The following HMMR variants were observed in gnomAD, a reference collection of about 807,000 sequenced individuals.
HMMR encodes hyaluronan mediated motility receptor, also known as intracellular hyaluronic acid-binding protein.
A neutral mutation model predicts 101.0 loss-of-function variants in HMMR; 108 were observed. The observed-to-expected ratio is 1.07, with a 90% confidence interval of 0.92 to 1.25. The LOEUF is 1.25. Among genes scored for constraint, HMMR ranks in the 50% most tolerant of loss-of-function variants. The pLI is 0.00. For missense variants in HMMR, 813 were observed against 788.7 expected, an observed-to-expected ratio of 1.03 and a Z score of -0.37; for synonymous variants, 296 against 276.4, an observed-to-expected ratio of 1.07 and a Z score of -0.70.
chr5:163,476,894 C>T (rs1292990046), intron 11 of HMMR, among the ~76,000 whole-genome samples: 3 of 151,904 alleles, frequency 2.0e-5, no homozygotes, highest in Non-Finnish European at 4.4e-5. Flanking sequence ...AGCCTGGCAT[C>T]GTGGCGCACG....
In HMMR at chr5:163,484,129, C is replaced by T; in HGVS notation, c.1846C>T (p.Gln616Ter). 1 of 1,604,272 alleles carries T rather than the reference C, an allele frequency of 6.2e-7. No homozygotes were observed. Among genetic ancestry groups the T allele is most frequent in the Non-Finnish European group, 8.5e-7 (1 of 1,173,522 alleles). Residue 616 changes from glutamine (Q) to a stop codon, truncating the protein, a stop_gained, in exon 16 of 18, where the codon CAG becomes TAG. Transcript: ENST00000393915. LOFTEE classifies it high-confidence loss of function. ...QALLNEHGAAQEQLNKIRDSY... is the reference protein window; with the variant it reads ...QALLNEHGAA ...ATTGTTGAATGAACATGGTGCAGCT[C>T]AGGAACAGCTAAATAAAATAAGAGA...
intron 3 of HMMR, chr5:163,465,069 T>C: frequency 2.9e-6 from 1 of 345,670 alleles, no homozygotes; most frequent in East Asian, 5.0e-5. Flanking sequence ...CTAGTAAACA[T>C]TTCAAAATTA....
At position 163,483,140 on chromosome 5, in the gene HMMR, CTT is replaced by C; in HGVS notation, c.1655_1656del (p.Phe552Ter). ...QNQLKQQEED[F>X]RKQLEDEEGR... Reference sequence around the variant, plus strand: ...ACCAACTCAAGCAACAGGAGGAAGACTTTAGAAAACAGCTGGAAGATGAAGAA... The same window carrying C: ...ACCAACTCAAGCAACAGGAGGAAGACTAGAAAACAGCTGGAAGATGAAGAA... On this transcript the variant is annotated frameshift_variant, in exon 14 of 18. Coordinates refer to ENST00000393915, the MANE Select transcript of HMMR (RefSeq NM_001142556.2). LOFTEE classifies it high-confidence loss of function. 1 of 1,611,782 alleles carries C rather than the reference CTT, an allele frequency of 6.2e-7. No homozygotes were observed. Among genetic ancestry groups the C allele is most frequent in the Non-Finnish European group, 8.5e-7 (1 of 1,179,384 alleles).
chr5:163,481,002 A>G (rs896243754), intron 12 of HMMR, among the ~76,000 whole-genome samples: 5 of 152,000 alleles, frequency 3.3e-5, no homozygotes, highest in African/African-American at 1.2e-4. Context: ...TTCTATCTCA[A>G]GGTGTAAAGA....
In HMMR at chr5:163,491,126, T is replaced by C; in HGVS notation, c.2140T>C (p.Tyr714His). ...AATTCTTCTAGGCAATACAAACTGT[T>C]ACCGAGCTCCTATGGAGTGTCAAGA... ...TPLKEGNTNCYRAPMECQESW... is the reference protein window; with the variant it reads ...TPLKEGNTNCHRAPMECQESW... The change falls in exon 18 of 18, where the codon TAC (tyrosine) becomes CAC (histidine). Residue 714 changes from tyrosine to histidine, a missense_variant. Transcript: ENST00000393915. 6.4e-7 allele frequency: 1 copy of C among 1,568,884 alleles called. No homozygotes were observed. The highest frequency in any genetic ancestry group is 1.2e-5 in the South Asian group (1 of 85,182).
chr5:163,473,773 A>G (rs891484205), intron 9 of HMMR, among the ~76,000 whole-genome samples: 3 of 152,056 alleles, frequency 2.0e-5, no homozygotes, highest in Non-Finnish European at 4.4e-5. Context: ...TCAATACAGC[A>G]TATTACCTGT....
Position 163,490,439 on chromosome 5 carries a change from C to CA in HMMR, c.2016dup (p.Leu673ThrfsTer7). ...CTTGCTAAAAAAAAACAAAGTGAGA[C>CA]AAAACTTCAAGAGGAATTGAATAAA... On this transcript the variant is annotated frameshift_variant, in exon 17 of 18. Coordinates refer to ENST00000393915, the MANE Select transcript of HMMR (RefSeq NM_001142556.2). LOFTEE classifies it high-confidence loss of function. 3 of 1,596,766 alleles carry CA rather than the reference C, an allele frequency of 1.9e-6. No individual in the cohort carries two copies. Among genetic ancestry groups the CA allele is most frequent in the Non-Finnish European group, 2.6e-6 (3 of 1,172,960 alleles).
At position 163,478,769 on chromosome 5, in the gene HMMR, A is replaced by G. The variant is rs910039791; in HGVS notation, c.1354A>G (p.Ser452Gly). The G allele has an allele frequency of 6.2e-7, 1 of 1,609,404 alleles. No homozygotes were observed. The highest frequency in any genetic ancestry group is 8.5e-7 in the Non-Finnish European group (1 of 1,175,864). ...GGAAAAGTATGACAGTATGGTGCAA[A>G]GCCTTGAAGATGTTACTGCTCAATT... is the stretch of plus-strand genomic sequence containing the variant. ...LQEKYDSMVQ[S>G]LEDVTAQFES... Residue 452 changes from serine (S) to glycine (G), a missense_variant, in exon 12 of 18, where the codon AGC becomes GGC. Coordinates refer to ENST00000393915, the MANE Select transcript of HMMR (RefSeq NM_001142556.2).
chr5:163,462,609 C>T (rs941968099), intron 1 of HMMR, among the ~76,000 whole-genome samples: 3 of 151,898 alleles, frequency 2.0e-5, no homozygotes, highest in Non-Finnish European at 2.9e-5. Flanking sequence ...GAGAGATCAG[C>T]TGAGGTCAGG....
chr5:163,464,699 T>A, intron 2 of HMMR, 24 bp from the exon 3 acceptor site: 2 of 1,471,836 alleles, frequency 1.4e-6, no homozygotes, highest in Non-Finnish European at 1.9e-6. Context: ...TCAACCATGA[T>A]CTGTACAATT....
At chr5:163,489,031 C>T (rs1246913691) in intron 16 of HMMR, among the ~76,000 whole-genome samples, 2 of 152,218 alleles carry the variant, frequency 1.3e-5, no homozygotes, top group Non-Finnish European at 2.9e-5. Context: ...CAGACCGGAT[C>T]ACCCAGCTTG....
Position 163,463,964 on chromosome 5 carries a change from A to T in HMMR, c.145+10A>T. 2 of 929,634 alleles carry T rather than the reference A, an allele frequency of 2.2e-6. No homozygotes were observed. Among genetic ancestry groups the T allele is most frequent in the Non-Finnish European group, 3.2e-6 (2 of 628,992 alleles). 57.6% of individuals were successfully genotyped at this position (929,634 alleles called of 1,614,324 possible). On this transcript the variant is annotated intron_variant, in intron 2 of 17. Transcript: ENST00000393915. The stretch of plus-strand genomic sequence containing the variant: ...TTTAAACAACAAAAAGGTAATATAG[A>T]TCACCAAAGAACAATGGTTATGTGA...
Position 163,473,385 on chromosome 5 carries a change from T to C in HMMR, c.732T>C (p.Ala244=). ...LLEYIEEISC[A]SDQVEKYKLD... ...ATAATTTGTTTTAATGCAGTTGTGC[T>C]TCAGATCAAGTGGAAAAATACAAGC... The change falls in exon 9 of 18, where the codon GCT becomes GCC. Residue 244 remains alanine, a synonymous_variant. Coordinates refer to ENST00000393915, the MANE Select transcript of HMMR (RefSeq NM_001142556.2). 1.2e-6 allele frequency: 2 copies of C among 1,608,956 alleles called. No homozygotes were observed. Among genetic ancestry groups the C allele is most frequent in the Non-Finnish European group, 1.7e-6 (2 of 1,177,378 alleles).
intron 16 of HMMR, among the ~76,000 whole-genome samples, chr5:163,484,874 C>G (rs1312927432): frequency 6.6e-6 from 1 of 152,068 alleles, no homozygotes; most frequent in African/African-American, 2.4e-5. Context: ...TAATATGTGG[C>G]CTTTTGTTAC....
In HMMR at chr5:163,473,440, A is replaced by G. The variant is rs1758962183; in HGVS notation, c.787A>G (p.Lys263Glu). 1 of 1,610,748 alleles carries G rather than the reference A, an allele frequency of 6.2e-7. No individual in the cohort carries two copies. The highest frequency in any genetic ancestry group is 1.3e-5 in the African/African-American group (1 of 74,820). Residue 263 changes from lysine (K) to glutamate (E), a missense_variant, in exon 9 of 18, where the codon AAA becomes GAA. Coordinates refer to ENST00000393915, the MANE Select transcript of HMMR (RefSeq NM_001142556.2). ...LDIAQLEENL[K>E]EKNDEILSLK... ...TATTGCCCAGTTAGAAGAAAATTTG[A>G]AAGAGAAGAATGATGAAATTTTAAG...
chr5:163,482,819 A>G (rs890323941), intron 13 of HMMR, 31 bp downstream of exon 13: 6 of 1,590,764 alleles, frequency 3.8e-6, no homozygotes, highest in Non-Finnish European at 5.2e-6. Flanking sequence ...CCTTAGAACC[A>G]TTAAGACAAT....
At chr5:163,469,890 G>C in intron 5 of HMMR, 61 bp downstream of exon 5, 1 of 1,180,454 alleles carries the variant, frequency 8.5e-7, no homozygotes, top group Non-Finnish European at 1.2e-6. Flanking sequence ...TTTTAGGGCC[G>C]GGCACGGTGG....
At chr5:163,483,413 C>CA (rs1759349171) in intron 15 of HMMR, 46 bp downstream of exon 15, 1 of 1,040,190 alleles carries the variant, frequency 9.6e-7, no homozygotes, top group African/African-American at 1.6e-5. Flanking sequence ...TTTAGGGACT[C>CA]ACTTTGTTCC....
chr5:163,466,255 C>G (rs1311545035), intron 3 of HMMR, among the ~76,000 whole-genome samples: 4 of 152,100 alleles, frequency 2.6e-5, no homozygotes, highest in African/African-American at 9.7e-5. Flanking sequence ...GGCAGCAGAG[C>G]GAGACCTATC....
Sources: gnomAD v4.1 joint callset for allele counts (sites outside exome capture counted in the v4.1 genomes callset) on GRCh38, gnomAD v4.1.1 for gene constraint, MANE v1.5 for transcripts, NCBI Gene and HGNC (gene_info 2026-07-23, HGNC 2026-07-21) for gene names.